EIF3A: variants seen among roughly 807,000 people sequenced by gnomAD.
The protein encoded by EIF3A is eukaryotic translation initiation factor 3 subunit A.
In EIF3A, 21 loss-of-function variants were observed where a neutral mutation model predicts 186.6. That is an observed-to-expected ratio of 0.11 (90% CI 0.08 to 0.16). The LOEUF is 0.16. EIF3A is among the 10% of genes least tolerant of loss of function. The pLI is 1.00. For synonymous variants in EIF3A, 563 were observed against 584.3 expected, an observed-to-expected ratio of 0.96 and a Z score of 0.52; for missense variants, 1,306 against 1,796.3, an observed-to-expected ratio of 0.73 and a Z score of 4.93.
intron 1 of EIF3A, 179 bp downstream of exon 1, chr10:119,080,449 G>A (rs1844246004): frequency 2.0e-6 from 2 of 985,332 alleles, no homozygotes; most frequent in South Asian, 4.7e-5. Context: ...CCAGACCCCA[G>A]TCGATAGAGT....
At chr10:119,049,076 C>T (rs1848320459) in intron 17 of EIF3A, among the ~76,000 whole-genome samples, 1 of 152,164 alleles carries the variant, frequency 6.6e-6, no homozygotes, top group Non-Finnish European at 1.5e-5. Context: ...TATGCTTAAG[C>T]CTGTAAAATT....
intron 17 of EIF3A, among the ~76,000 whole-genome samples, chr10:119,045,658 C>G (rs1425875106): frequency 6.6e-6 from 1 of 152,206 alleles, no homozygotes; most frequent in Non-Finnish European, 1.5e-5. Flanking sequence ...AACTCTGCCT[C>G]CTGGGCTCAA....
intron 17 of EIF3A, among the ~76,000 whole-genome samples, chr10:119,044,950 T>C (rs1235431701): frequency 5.1e-5 from 2 of 39,146 alleles, no homozygotes; most frequent in Admixed American, 3.9e-4. Context: ...TTCTTTTTTT[T>C]TTTTTTTTTT....
At chr10:119,059,449 A>G (rs1843846417) in intron 10 of EIF3A, 52 bp from the exon 11 acceptor site, 2 of 1,390,524 alleles carry the variant, frequency 1.4e-6, no homozygotes, top group South Asian at 1.3e-5. Flanking sequence ...CATGAAGTCA[A>G]AAAGTAACAG....
chr10:119,042,063 C>T lies in EIF3A; in HGVS notation c.3457G>A (p.Asp1153Asn), dbSNP rs1395512633. 1.2e-6 allele frequency: 2 copies of T among 1,614,078 alleles called. No individual in the cohort carries two copies. The highest frequency in any genetic ancestry group is 2.7e-5 in the African/African-American group (2 of 74,932). ...CCCCGTCTGGGAAACCGATCATCAT[C>T]AGCACGTCTTGAAAGGCGATCATCA... ...MDDDRLSRRA[D>N]DDRFPRRGDD... is the part of the protein sequence containing the mutation. The change falls in exon 19 of 22, where the codon GAT becomes AAT. Residue 1153 changes from aspartate to asparagine, a missense_variant. Transcript: ENST00000369144. This position sits in a 1 kb window ranked among gnomAD's most constrained non-coding sequence, Gnocchi z 7.8.
intron 1 of EIF3A, chr10:119,080,236 G>A (rs1844241390): frequency 2.3e-6 from 2 of 851,296 alleles, no homozygotes; most frequent in Non-Finnish European, 2.8e-6. Flanking sequence ...CTTACTCCCC[G>A]GCACTCCCAG....
intron 20 of EIF3A, 64 bp downstream of exon 20, chr10:119,038,174 C>G (rs1437775717): frequency 6.3e-6 from 9 of 1,418,034 alleles, no homozygotes; most frequent in Middle Eastern, 3.5e-4. Flanking sequence ...TCCCAAAGTG[C>G]TGGGATTACA....
At chr10:119,044,304 C>A (rs560317174) in intron 17 of EIF3A, among the ~76,000 whole-genome samples, 162 bp from the exon 18 acceptor site, 1 of 152,078 alleles carries the variant, frequency 6.6e-6, no homozygotes, top group Non-Finnish European at 1.5e-5. Context: ...ATCAGACTGA[C>A]GCTACAGGGA....
intron 17 of EIF3A, among the ~76,000 whole-genome samples, chr10:119,049,493 CAA>C (rs67696743): frequency 8.9e-6 from 1 of 112,734 alleles, no homozygotes; most frequent in African/African-American, 3.4e-5. Context: ...GACTCTGTCT[CAA>C]AAAAAAAAAA....
Position 119,065,517 on chromosome 10 carries a change from C to T in EIF3A, c.1004G>A (p.Arg335His), listed in dbSNP as rs199796475. 5.0e-6 allele frequency: 8 copies of T among 1,612,848 alleles called. No homozygotes were observed. The highest frequency in any genetic ancestry group is 1.3e-5 in the African/African-American group (1 of 74,936). Residue 335 changes from arginine (R) to histidine (H), a missense_variant, in exon 7 of 22, where the codon CGT (arginine) becomes CAT (histidine). Coordinates refer to ENST00000369144, the MANE Select transcript of EIF3A (RefSeq NM_003750.4). The part of the protein sequence containing the change: ...ATLSIPITPE[R>H]TDIARLLDMD... ...ATCCAGAAGTCGAGCAATATCCGTA[C>T]GCTCAGGAGTAATAGGGATGGAAAG...
intron 6 of EIF3A, among the ~76,000 whole-genome samples, chr10:119,066,938 C>A (rs1476613319): frequency 6.6e-6 from 1 of 152,146 alleles, no homozygotes; most frequent in African/African-American, 2.4e-5. Flanking sequence ...GTGGACCAGG[C>A]GCAGTGGCTC....
chr10:119,079,360 CT>C (rs1844226226), intron 1 of EIF3A, among the ~76,000 whole-genome samples: 1 of 152,196 alleles, frequency 6.6e-6, no homozygotes, highest in African/African-American at 2.4e-5. Context: ...CAACATATCT[CT>C]GGTTCTGCCA....
At position 119,056,844 on chromosome 10, in the gene EIF3A, A is replaced by G; in HGVS notation, c.2092T>C (p.Phe698Leu). 6.2e-7 allele frequency: 1 copy of G among 1,612,350 alleles called. No individual in the cohort carries two copies. Among genetic ancestry groups the G allele is most frequent in the Non-Finnish European group, 8.5e-7 (1 of 1,178,546 alleles). The change falls in exon 14 of 22, where the codon TTT becomes CTT. Residue 698 changes from phenylalanine to leucine, a missense_variant. By Grantham distance (22) the Phe-to-Leu change is conservative. Around this residue, in one of 8 missense-constraint regions of EIF3A, gnomAD observed 94 missense variants for 204.9 expected, o/e 0.46. Coordinates refer to ENST00000369144, the MANE Select transcript of EIF3A (RefSeq NM_003750.4). ...TCTTCCAAACGTTTGGCTCTTTCAA[A>G]ATAGTCAATCTGAATGACACGAAAA... The part of the protein sequence containing the change: ...LKNQEKKIDY[F>L]ERAKRLEEIP...
intron 21 of EIF3A, among the ~76,000 whole-genome samples, chr10:119,036,469 A>G (rs569603984): frequency 3.0e-4 from 45 of 152,322 alleles, no homozygotes; most frequent in African/African-American, 1.0e-3. Context: ...ATACAAATGT[A>G]CAGATAAAAC....
chr10:119,064,274 T>C (rs1348307392), intron 7 of EIF3A, among the ~76,000 whole-genome samples: 1 of 152,230 alleles, frequency 6.6e-6, no homozygotes, highest in African/African-American at 2.4e-5. Context: ...ATTTTAGTTC[T>C]TCAGACATTG....
chr10:119,078,961 C>T (rs1409250179), intron 1 of EIF3A, among the ~76,000 whole-genome samples: 1 of 152,110 alleles, frequency 6.6e-6, no homozygotes, highest in African/African-American at 2.4e-5. Context: ...AAAAAAAATA[C>T]CTGTTGGGCA....
intron 19 of EIF3A, among the ~76,000 whole-genome samples, chr10:119,041,133 A>G (rs1424767954): frequency 6.6e-6 from 1 of 151,958 alleles, no homozygotes; most frequent in Admixed American, 6.6e-5. Context: ...AGCTGAGATC[A>G]TACCACTGCA....
At chr10:119,068,472 C>T (rs1467628013) in intron 6 of EIF3A, among the ~76,000 whole-genome samples, 4 of 148,874 alleles carry the variant, frequency 2.7e-5, no homozygotes, top group African/African-American at 7.5e-5. Flanking sequence ...GACAGGAGTT[C>T]GAGGACAGCC....
intron 9 of EIF3A, chr10:119,060,251 CTG>C (rs1370669724): frequency 8.8e-6 from 4 of 452,694 alleles, no homozygotes; most frequent in African/African-American, 8.3e-5. Context: ...TATGAAAAGG[CTG>C]TCTCATTCAC....
Sources: gnomAD v4.1 joint callset for allele counts (sites outside exome capture counted in the v4.1 genomes callset) on GRCh38, gnomAD v4.1.1 for gene constraint, gnomAD v4.1.1 regional missense constraint, Gnocchi (gnomAD v3.1) non-coding constraint, MANE v1.5 for transcripts, NCBI Gene and HGNC (gene_info 2026-07-23, HGNC 2026-07-21) for gene names.